LDLRAD3: variants seen among roughly 807,000 people sequenced by gnomAD.
LDLRAD3 encodes the protein low-density lipoprotein receptor class A domain-containing protein 3.
Under a neutral mutation model 29.4 loss-of-function variants are expected in LDLRAD3, and 20 were observed. The ratio of observed to expected loss-of-function variants is 0.68; its 90% confidence interval spans 0.48 to 0.99. LDLRAD3 has a LOEUF of 0.99. LDLRAD3 is among the 50% of genes least tolerant of loss of function. LDLRAD3 has a pLI of 0.00. For missense variants in LDLRAD3, 420 were observed against 454.3 expected (o/e 0.92, Z 0.69); for synonymous variants, 157 against 192.7 (o/e 0.81, Z 1.53).
At chr11:36,031,679 G>A (rs1461756838) in intron 1 of LDLRAD3, among the ~76,000 whole-genome samples, 1 of 152,164 alleles carries the variant, frequency 6.6e-6, no homozygotes, top group African/African-American at 2.4e-5. Flanking sequence ...CTGGGTTAAA[G>A]GAAAACAGGA....
rs778491567 is a variant in LDLRAD3, at chr11:36,081,763, G to A, written c.304G>A (p.Asp102Asn). ...GTTTGAGGACTGTCCCGATGGCAGC[G>A]ATGAAGAGAACTGCAGTAAGTGCTG... is the stretch of plus-strand genomic sequence containing the variant. ...NGFEDCPDGS[D>N]EENCTANPLL... Residue 102 changes from aspartate to asparagine, a missense_variant, in exon 3 of 6, where the codon GAT becomes AAT. Physicochemically the swap from Asp to Asn is conservative, Grantham distance 23 (BLOSUM62 1). Transcript: ENST00000315571. 9 of 1,614,102 alleles carry A rather than the reference G, an allele frequency of 5.6e-6. No homozygotes were observed. The highest frequency in any genetic ancestry group is 1.1e-5 in the South Asian group (1 of 91,088).
rs138297722 is a variant in LDLRAD3 at position 36,034,245 on chromosome 11, T to A, written c.47-1858T>A. Among the ~76,000 whole-genome samples the A allele has an allele frequency of 2.8e-3, 430 of 152,350 alleles. 2 individuals carry two copies. The highest frequency in any genetic ancestry group is 0.01 in the African/African-American group (417 of 41,590). On this transcript the variant is annotated intron_variant, in intron 1 of 5. Transcript: ENST00000315571. Reference sequence around the variant, plus strand: ...ATGATTCATTTGGTGTTTAGACAGATCCTTCTGGCCACAGAGGGGAGAGTG... The same window carrying A: ...ATGATTCATTTGGTGTTTAGACAGAACCTTCTGGCCACAGAGGGGAGAGTG...
intron 1 of LDLRAD3, among the ~76,000 whole-genome samples, chr11:35,974,439 C>CT (rs1275142930): frequency 9.8e-5 from 15 of 152,316 alleles, no homozygotes; most frequent in Non-Finnish European, 2.1e-4. Context: ...ACAGCACACA[C>CT]TTACTTACTA....
At chr11:36,160,956 A>G (rs925428436) in intron 4 of LDLRAD3, among the ~76,000 whole-genome samples, 1 of 152,146 alleles carries the variant, frequency 6.6e-6, no homozygotes, top group African/African-American at 2.4e-5. Flanking sequence ...AACCACACCC[A>G]GCTAATTTCT....
At chr11:36,014,850 T>C (rs1183331753) in intron 1 of LDLRAD3, among the ~76,000 whole-genome samples, 1 of 152,260 alleles carries the variant, frequency 6.6e-6, no homozygotes, top group Non-Finnish European at 1.5e-5. Flanking sequence ...ATGATTTATT[T>C]TTATTTTATT....
intron 1 of LDLRAD3, chr11:36,010,222 C>T (rs1397116153): frequency 6.5e-6 from 1 of 154,360 alleles, no homozygotes; most frequent in East Asian, 1.9e-4. Flanking sequence ...ATAACTAGGA[C>T]AGTGGATCTG....
At chr11:36,175,885 C>G (rs955797306) in intron 4 of LDLRAD3, among the ~76,000 whole-genome samples, 1 of 152,252 alleles carries the variant, frequency 6.6e-6, no homozygotes, top group Non-Finnish European at 1.5e-5. Flanking sequence ...CTTGACTTGT[C>G]TAGTGCTATC....
intron 4 of LDLRAD3, among the ~76,000 whole-genome samples, chr11:36,134,621 G>A (rs940885593): frequency 1.4e-4 from 22 of 152,238 alleles, no homozygotes; most frequent in Admixed American, 1.4e-3. Context: ...GAAGGCAGCA[G>A]TGTAGTTTTT....
chr11:36,182,541 T>G (rs530967499), intron 4 of LDLRAD3, among the ~76,000 whole-genome samples: 2 of 152,202 alleles, frequency 1.3e-5, no homozygotes, highest in Non-Finnish European at 2.9e-5. Context: ...TGATTTCCCC[T>G]TCAAGAAGAC....
At chr11:35,961,428 G>A (rs1247118047) in intron 1 of LDLRAD3, among the ~76,000 whole-genome samples, 1 of 152,214 alleles carries the variant, frequency 6.6e-6, no homozygotes, top group Non-Finnish European at 1.5e-5. Context: ...CTCTGCCTCA[G>A]TGTGTTCTTT....
At chr11:36,158,480 A>G (rs1854386804) in intron 4 of LDLRAD3, among the ~76,000 whole-genome samples, 1 of 134,408 alleles carries the variant, frequency 7.4e-6, no homozygotes, top group African/African-American at 2.8e-5. Context: ...ATTGCAACCC[A>G]TCACCAACCC....
At chr11:36,211,892 G>A (rs1314249422) in intron 4 of LDLRAD3, among the ~76,000 whole-genome samples, 1 of 152,114 alleles carries the variant, frequency 6.6e-6, no homozygotes, top group South Asian at 2.1e-4. Context: ...AGCAGTATTC[G>A]CTCTGGCTGC....
At chr11:35,999,008 A>G (rs1285305634) in intron 1 of LDLRAD3, among the ~76,000 whole-genome samples, 2 of 152,204 alleles carry the variant, frequency 1.3e-5, no homozygotes, top group Non-Finnish European at 2.9e-5. Flanking sequence ...TCTATACCTG[A>G]CACTGTGTAA....
At chr11:36,083,133 C>T (rs907420917) in intron 3 of LDLRAD3, among the ~76,000 whole-genome samples, 1 of 152,212 alleles carries the variant, frequency 6.6e-6, no homozygotes, top group South Asian at 2.1e-4. Flanking sequence ...TATCCTCGGC[C>T]AGTGTGATAC....
chr11:36,180,205 G>A (rs1414912881), intron 4 of LDLRAD3, among the ~76,000 whole-genome samples: 1 of 151,956 alleles, frequency 6.6e-6, no homozygotes, highest in Non-Finnish European at 1.5e-5. Context: ...TCCTAAGTCA[G>A]CAGCTCTTCT....
intron 3 of LDLRAD3, among the ~76,000 whole-genome samples, chr11:36,082,635 C>T (rs1021209117): frequency 2.7e-5 from 4 of 148,098 alleles, no homozygotes; most frequent in African/African-American, 7.5e-5. Context: ...GTTTTACCTG[C>T]TGTATAATAT....
chr11:36,098,182 T>G, intron 3 of LDLRAD3, 145 bp from the exon 4 acceptor site: 2 of 985,384 alleles, frequency 2.0e-6, no homozygotes, highest in Admixed American at 2.5e-5. Flanking sequence ...CTGGCCAGCC[T>G]TACAGCATGG....
intron 1 of LDLRAD3, among the ~76,000 whole-genome samples, chr11:35,952,269 A>G (rs1201583673): frequency 1.3e-5 from 2 of 152,198 alleles, no homozygotes; most frequent in African/African-American, 4.8e-5. Context: ...TTTGGTATAG[A>G]ATAGAAATCC....
At chr11:36,025,420 G>A (rs1295944417) in intron 1 of LDLRAD3, among the ~76,000 whole-genome samples, 5 of 141,526 alleles carry the variant, frequency 3.5e-5, no homozygotes, top group Admixed American at 2.3e-4. Flanking sequence ...ATGGAGTCTC[G>A]CTCTCTCTCC....
Sources: allele counts gnomAD v4.1 joint callset (sites outside exome capture counted in the v4.1 genomes callset), GRCh38; gene constraint gnomAD v4.1.1; transcripts MANE v1.5; gene names NCBI Gene and HGNC (gene_info 2026-07-23, HGNC 2026-07-21).